Variants in VAV1 observed in about 807,000 individuals in gnomAD.
VAV1 encodes proto-oncogene vav.
In VAV1, 33 loss-of-function variants were observed where a neutral mutation model predicts 128.1. The ratio of observed to expected loss-of-function variants is 0.26; its 90% CI spans 0.20 to 0.34. The LOEUF (loss-of-function observed/expected upper bound fraction) is 0.34. Ranked by LOEUF, VAV1 falls within the 10% of genes least tolerant of loss-of-function variation. VAV1 has a pLI of 1.00. For missense variants in VAV1, 715 were observed against 1,093.7 expected (o/e 0.65, Z 4.88); for synonymous variants, 394 against 409.8 (o/e 0.96, Z 0.47).
chr19:6,822,311 G>T lies in VAV1; in HGVS notation c.540G>T (p.Ser180=). 6.3e-7 allele frequency: 1 copy of T among 1,581,952 alleles called. No individual in the cohort carries two copies. The highest frequency in any genetic ancestry group is 8.6e-7 in the Non-Finnish European group (1 of 1,165,308). ...GDEIYEDLMR[S]EPVSMPPKMT... is the part of the protein sequence containing the mutation. ...AGATCTATGAGGACCTCATGCGCTCGGAGCCCGTGTCCATGCCGGTGCGTG... is the reference window on the plus strand; with the variant it reads ...AGATCTATGAGGACCTCATGCGCTCTGAGCCCGTGTCCATGCCGGTGCGTG... The change falls in exon 5 of 27, where the codon TCG becomes TCT. Residue 180 remains serine (S), a synonymous_variant. Transcript: ENST00000602142. The surrounding 1 kb of genome is among the most constrained non-coding windows in gnomAD (Gnocchi z 5.9).
In VAV1 at chr19:6,840,139, C is replaced by A. The variant is rs114087645; in HGVS notation, c.1981-2996C>A. ...GCAACCACCTATTCCCCTCTCCCAG[C>A]CCCTGACATTCACATTCTACTCTTG... On this transcript the variant is annotated intron_variant, in intron 21 of 26. Coordinates refer to ENST00000602142, the MANE Select transcript of VAV1 (RefSeq NM_005428.4). Among the ~76,000 whole-genome samples, 1,377 of 152,304 alleles carry A rather than the reference C, an allele frequency of 9.0e-3. 26 individuals are homozygous for A. The highest frequency in any genetic ancestry group is 0.031 in the African/African-American group (1,304 of 41,570).
intron 1 of VAV1, among the ~76,000 whole-genome samples, chr19:6,809,702 C>A (rs1435313615): frequency 6.6e-6 from 1 of 152,102 alleles, no homozygotes; most frequent in African/African-American, 2.4e-5. Flanking sequence ...GGGAGGAGTA[C>A]AAAACGGATC....
intron 22 of VAV1, among the ~76,000 whole-genome samples, chr19:6,845,216 A>C (rs566628216): frequency 6.6e-6 from 1 of 152,088 alleles, no homozygotes; most frequent in Non-Finnish European, 1.5e-5. Flanking sequence ...CCCTGTCTCT[A>C]CTAAAAATAC....
At chr19:6,806,882 C>T (rs944410114) in intron 1 of VAV1, among the ~76,000 whole-genome samples, 1 of 152,214 alleles carries the variant, frequency 6.6e-6, no homozygotes, top group Non-Finnish European at 1.5e-5. Context: ...TTGTCTACTG[C>T]GTCCCAGCAG....
chr19:6,798,666 C>A (rs944654963), intron 1 of VAV1, among the ~76,000 whole-genome samples: 15 of 151,472 alleles, frequency 9.9e-5, no homozygotes, highest in Admixed American at 5.3e-4. Context: ...CCTTCCCCCC[C>A]CCACCCAAAA....
At chr19:6,832,027 G>A in intron 14 of VAV1, 64 bp from the exon 15 acceptor site, 1 of 1,431,186 alleles carries the variant, frequency 7.0e-7, no homozygotes, top group Non-Finnish European at 9.8e-7. Flanking sequence ...GGAGGGGTGG[G>A]TGGGTGTGTG....
At position 6,822,918 on chromosome 19, in the gene VAV1, T is replaced by A. The variant is rs563267869; in HGVS notation, c.654+404T>A. Among the ~76,000 whole-genome samples, 1 of 147,352 alleles carries A rather than the reference T, an allele frequency of 6.8e-6. No individual in the cohort carries two copies. The highest frequency in any genetic ancestry group is 1.5e-5 in the Non-Finnish European group (1 of 66,950). ...AACATGATATATGATATTTATAAGA[T>A]ATAAAATATATAGTTTTTCATATAG... On this transcript the variant is annotated intron_variant, in intron 6 of 26. Transcript: ENST00000602142. This position sits in a 1 kb window ranked among gnomAD's most constrained non-coding sequence, Gnocchi z 5.9.
rs762832668 is a variant in VAV1, at chr19:6,797,215, G to A, written c.205-23487G>A. Among the ~76,000 whole-genome samples the A allele has an allele frequency of 3.0e-5, 4 of 133,410 alleles. No individual in the cohort carries two copies. In the South Asian group the frequency reaches 7.3e-4, roughly 24 times the overall value. The allele number at this position is 133,410 out of a possible 152,430, so 87.5% of individuals were successfully genotyped here. On this transcript the variant is annotated intron_variant, in intron 1 of 26. Coordinates refer to ENST00000602142, the MANE Select transcript of VAV1 (RefSeq NM_005428.4). The stretch of plus-strand genomic sequence containing the variant: ...GCACTGCACTCCAGACTGGGTGACA[G>A]AGTGAGACTCAGTATCAAAAAAAAA...
At chr19:6,798,659 T>TCCCC (rs113208165) in intron 1 of VAV1, among the ~76,000 whole-genome samples, 3 of 145,320 alleles carry the variant, frequency 2.1e-5, no homozygotes, top group African/African-American at 2.6e-5. Context: ...TTTCTCCCCT[T>TCCCC]CCCCCCCCCA....
chr19:6,839,223 T>TC (rs1327108591), intron 21 of VAV1, among the ~76,000 whole-genome samples: 1 of 127,516 alleles, frequency 7.8e-6, no homozygotes, highest in Non-Finnish European at 1.6e-5. Context: ...TTGTGTGTGA[T>TC]TTTTTTTTTT....
chr19:6,772,783 G>A lies in VAV1; in HGVS notation c.-25G>A, dbSNP rs755014839. 10 of 1,606,578 alleles carry A rather than the reference G, an allele frequency of 6.2e-6. No individual in the cohort carries two copies. Among genetic ancestry groups the A allele is most frequent in the Admixed American group, 1.7e-5 (1 of 59,602 alleles). On this transcript the variant is annotated 5_prime_UTR_variant, in exon 1 of 27. Transcript: ENST00000602142. The surrounding 1 kb of genome is among the most constrained non-coding windows in gnomAD (Gnocchi z 4.8). The stretch of plus-strand genomic sequence containing the variant: ...GGTGGTGGAGGCTGCGAGGGTGCAC[G>A]GCCGGCCCTGGGCAGGCGGTAGCCA...
chr19:6,792,470 A>G (rs766104263), intron 1 of VAV1, among the ~76,000 whole-genome samples: 6 of 152,124 alleles, frequency 3.9e-5, no homozygotes, highest in African/African-American at 4.8e-5. Flanking sequence ...CTTCTACTGT[A>G]GTAGGAAGAC....
chr19:6,799,232 A>G (rs377015913), intron 1 of VAV1, among the ~76,000 whole-genome samples: 1 of 152,010 alleles, frequency 6.6e-6, no homozygotes, highest in Non-Finnish European at 1.5e-5. Context: ...CAGTGGCGCA[A>G]TCTCGGCTCA....
intron 1 of VAV1, among the ~76,000 whole-genome samples, chr19:6,782,883 G>T (rs948938903): frequency 6.7e-4 from 99 of 148,368 alleles, no homozygotes; most frequent in African/African-American, 2.3e-3. Context: ...ATCCTGTCTC[G>T]GAAGAAAAAA....
Position 6,828,016 on chromosome 19 carries a change from C to T in VAV1, c.928-60C>T. Reference sequence around the variant, plus strand: ...TTTATTCAAATCTATCTGCACCCACCCTGCAACTGGCTGTTTCTGGGACCT... The same window carrying T: ...TTTATTCAAATCTATCTGCACCCACTCTGCAACTGGCTGTTTCTGGGACCT... On this transcript the variant is annotated intron_variant, in intron 9 of 26. Coordinates refer to ENST00000602142, the MANE Select transcript of VAV1 (RefSeq NM_005428.4). The surrounding 1 kb of genome is among the most constrained non-coding windows in gnomAD (Gnocchi z 4.5). 6.8e-7 allele frequency: 1 copy of T among 1,460,800 alleles called. No individual in the cohort carries two copies. Among genetic ancestry groups the T allele is most frequent in the Non-Finnish European group, 9.6e-7 (1 of 1,040,992 alleles). 90.5% of individuals were successfully genotyped at this position (1,460,800 alleles called of 1,614,324 possible). A position where few individuals can be genotyped will look rare whatever the true frequency, so the allele number is the denominator to read the frequency against.
intron 1 of VAV1, among the ~76,000 whole-genome samples, chr19:6,783,593 C>T (rs1970816624): frequency 6.6e-6 from 1 of 150,888 alleles, no homozygotes; most frequent in Non-Finnish European, 1.5e-5. Flanking sequence ...AGTGATTCTC[C>T]TGCCTCAGCC....
chr19:6,842,145 G>A (rs559877544), intron 21 of VAV1, among the ~76,000 whole-genome samples: 51 of 152,152 alleles, frequency 3.4e-4, no homozygotes, highest in African/African-American at 1.1e-3. Flanking sequence ...CAGGAGAATC[G>A]CTGGAACCTG....
intron 25 of VAV1, 133 bp from the exon 26 acceptor site, chr19:6,853,814 C>A: frequency 1.8e-6 from 2 of 1,091,506 alleles, no homozygotes; most frequent in Non-Finnish European, 2.6e-6. Flanking sequence ...CAGTACAGGG[C>A]ATCTAATACT....
intron 1 of VAV1, among the ~76,000 whole-genome samples, chr19:6,805,975 C>A (rs1471458799): frequency 6.6e-6 from 1 of 152,084 alleles, no homozygotes; most frequent in East Asian, 1.9e-4. Flanking sequence ...GTCTGGTGTT[C>A]CATCAAGGCA....
Sources: gnomAD v4.1 joint callset for allele counts (sites outside exome capture counted in the v4.1 genomes callset) on GRCh38, gnomAD v4.1.1 for gene constraint, Gnocchi (gnomAD v3.1) non-coding constraint, MANE v1.5 for transcripts, NCBI Gene and HGNC (gene_info 2026-07-23, HGNC 2026-07-21) for gene names.